The following STK3 variants were observed in gnomAD, a reference collection of about 807,000 sequenced individuals.
The protein encoded by STK3 is serine/threonine-protein kinase 3.
STK3 carries 41 observed loss-of-function variants against 58.0 expected under a neutral mutation model. That is an observed-to-expected ratio of 0.71 (90% confidence interval 0.55 to 0.92). STK3 has a LOEUF of 0.92. Among genes scored for constraint, STK3 ranks in the 40% least tolerant of loss-of-function variants. The pLI, the probability that STK3 is intolerant of heterozygous loss-of-function variation, is 0.00. For synonymous variants in STK3, 170 were observed against 191.0 expected, an observed-to-expected ratio of 0.89 and a Z score of 0.91; for missense variants, 479 against 602.7, an observed-to-expected ratio of 0.79 and a Z score of 2.15.
At chr8:98,811,124 T>C (rs145577126) in intron 1 of STK3, among the ~76,000 whole-genome samples, 1 of 152,166 alleles carries the variant, frequency 6.6e-6, no homozygotes, top group Non-Finnish European at 1.5e-5. Flanking sequence ...CTAATACAAT[T>C]GGTATCTGCC....
intron 1 of STK3, among the ~76,000 whole-genome samples, chr8:98,445,976 C>T (rs1818929605): frequency 6.6e-6 from 1 of 152,172 alleles, no homozygotes; most frequent in Non-Finnish European, 1.5e-5. Flanking sequence ...AAAAACAGAC[C>T]ACATGATTCC....
chr8:98,530,146 G>A (rs370870919), intron 9 of STK3, among the ~76,000 whole-genome samples: 5 of 152,132 alleles, frequency 3.3e-5, no homozygotes, highest in African/African-American at 1.2e-4. Flanking sequence ...CCTTCACAAC[G>A]TCAATTTTCT....
At chr8:98,940,145 G>A (rs775184705) in intron 1 of STK3, among the ~76,000 whole-genome samples, 1 of 151,978 alleles carries the variant, frequency 6.6e-6, no homozygotes, top group Non-Finnish European at 1.5e-5. Flanking sequence ...CTCGGCGTGC[G>A]GCGCGGGCCT....
chr8:98,455,674 C>G lies in STK3; in HGVS notation c.*168G>C, dbSNP rs11781372. On this transcript the variant is annotated 3_prime_UTR_variant, in exon 11 of 11. Coordinates refer to ENST00000419617, the MANE Select transcript of STK3 (RefSeq NM_006281.4). Reference sequence around the variant, plus strand: ...TAGAGTGAATGCACAGCAGATACAACTGTCAATTCTGCCTTTTGGGAATTT... The same window carrying G: ...TAGAGTGAATGCACAGCAGATACAAGTGTCAATTCTGCCTTTTGGGAATTT... 17,400 of 702,192 alleles carry G rather than the reference C, an allele frequency of 0.025. 293 individuals are homozygous for G. Among genetic ancestry groups the G allele is most frequent in the Non-Finnish European group, 0.032 (13,870 of 428,314 alleles). 43.5% of individuals were successfully genotyped at this position (702,192 alleles called of 1,614,324 possible). A position where few individuals can be genotyped will look rare whatever the true frequency, so the allele number is the denominator to read the frequency against.
chr8:98,457,646 A>G (rs1819600404), intron 10 of STK3, among the ~76,000 whole-genome samples: 1 of 152,226 alleles, frequency 6.6e-6, no homozygotes, highest in Non-Finnish European at 1.5e-5. Context: ...GACTGTACAT[A>G]CACCAAGAAA....
intron 3 of STK3, among the ~76,000 whole-genome samples, chr8:98,762,284 C>G (rs1830668635): frequency 6.6e-6 from 1 of 152,144 alleles, no homozygotes; most frequent in Non-Finnish European, 1.5e-5. Context: ...GAGATGGAGT[C>G]TCACTCTGTC....
At chr8:98,561,804 T>C (rs1586865884) in intron 8 of STK3, among the ~76,000 whole-genome samples, 2 of 152,112 alleles carry the variant, frequency 1.3e-5, no homozygotes, top group South Asian at 2.1e-4. Flanking sequence ...ACACAAACTC[T>C]TAAAAATTCA....
At chr8:98,401,577 A>T (rs1406576230) in intron 3 of STK3, 1 of 152,124 alleles carries the variant, frequency 6.6e-6, no homozygotes, top group East Asian at 1.9e-4. Flanking sequence ...CCTCTGTCTG[A>T]CCCCACACAA....
intron 1 of STK3, among the ~76,000 whole-genome samples, chr8:98,779,692 C>G (rs1223240861): frequency 6.6e-6 from 1 of 152,038 alleles, no homozygotes; most frequent in Non-Finnish European, 1.5e-5. Context: ...ATTTATGGTC[C>G]CAAGCATCTC....
intron 10 of STK3, among the ~76,000 whole-genome samples, chr8:98,513,913 C>T (rs902002887): frequency 6.6e-6 from 1 of 152,140 alleles, no homozygotes; most frequent in Non-Finnish European, 1.5e-5. Flanking sequence ...TGAGGAAGAG[C>T]TCAGTGATAA....
At chr8:98,660,421 CA>C (rs527697041) in intron 6 of STK3, among the ~76,000 whole-genome samples, 45 of 151,890 alleles carry the variant, frequency 3.0e-4, no homozygotes, top group Non-Finnish European at 5.3e-4. Flanking sequence ...TTTTTAACCA[CA>C]ATTAAAAATA....
At chr8:98,738,704 G>A (rs528374312) in intron 4 of STK3, among the ~76,000 whole-genome samples, 2 of 152,210 alleles carry the variant, frequency 1.3e-5, no homozygotes, top group Non-Finnish European at 2.9e-5. Context: ...TGAGGTACCA[G>A]GTTCATCTCA....
At chr8:98,656,861 C>T (rs1359229488) in intron 6 of STK3, among the ~76,000 whole-genome samples, 1 of 152,066 alleles carries the variant, frequency 6.6e-6, no homozygotes, top group Admixed American at 6.6e-5. Context: ...TCAAATGAAG[C>T]AAATGAGAGT....
intron 3 of STK3, among the ~76,000 whole-genome samples, chr8:98,394,337 T>G (rs1817876900): frequency 6.6e-6 from 1 of 152,198 alleles, no homozygotes; most frequent in Non-Finnish European, 1.5e-5. Context: ...ATTGAACTTT[T>G]TTTTTTAAAC....
chr8:98,712,877 G>C lies in STK3; in HGVS notation c.352-5566C>G, dbSNP rs1249693720. Among the ~76,000 whole-genome samples, 6 of 149,112 alleles carry C rather than the reference G, an allele frequency of 4.0e-5. No homozygotes were observed. In the South Asian group the frequency reaches 1.0e-3, roughly 26 times the overall value. Reference sequence around the variant, plus strand: ...CACCTATTACAAAATTGACCACATAGTTGGAAGTAAAGCACTCCTCAGCAA... The same window carrying C: ...CACCTATTACAAAATTGACCACATACTTGGAAGTAAAGCACTCCTCAGCAA... On this transcript the variant is annotated intron_variant, in intron 4 of 10. Transcript: ENST00000419617.
chr8:98,414,185 A>G (rs750915184), intron 3 of STK3, among the ~76,000 whole-genome samples: 1 of 152,184 alleles, frequency 6.6e-6, no homozygotes, highest in Non-Finnish European at 1.5e-5. Flanking sequence ...AATTGCTTGA[A>G]CCTGGGAGGC....
chr8:98,552,686 C>G (rs1811268509), intron 8 of STK3, among the ~76,000 whole-genome samples: 1 of 152,110 alleles, frequency 6.6e-6, no homozygotes, highest in Non-Finnish European at 1.5e-5. Context: ...TTCCATTCTT[C>G]TGTATTCTTC....
intron 7 of STK3, among the ~76,000 whole-genome samples, chr8:98,586,625 G>A (rs1170851232): frequency 6.6e-6 from 1 of 150,990 alleles, no homozygotes; most frequent in Non-Finnish European, 1.5e-5. Flanking sequence ...ATGAGTTAGG[G>A]AGGATTCCCT....
At chr8:98,772,852 G>A (rs551633079) in intron 2 of STK3, among the ~76,000 whole-genome samples, 1 of 152,010 alleles carries the variant, frequency 6.6e-6, no homozygotes, top group Non-Finnish European at 1.5e-5. Context: ...TGCCGGCACC[G>A]TGCTTTTTGC....
Sources: gnomAD v4.1 joint callset for allele counts (sites outside exome capture counted in the v4.1 genomes callset) on GRCh38, gnomAD v4.1.1 for gene constraint, MANE v1.5 for transcripts, NCBI Gene and HGNC (gene_info 2026-07-23, HGNC 2026-07-21) for gene names.